KCNH8: variants seen among roughly 807,000 people sequenced by gnomAD.
KCNH8 encodes the protein potassium voltage-gated channel subfamily H member 8.
A neutral mutation model predicts 103.6 loss-of-function variants in KCNH8; 70 were observed. The ratio of observed to expected loss-of-function variants is 0.68; its 90% CI spans 0.56 to 0.82. The LOEUF (loss-of-function observed/expected upper bound fraction) is 0.82, where lower values mean the gene tolerates loss of function less well. KCNH8 is among the 40% of genes least tolerant of loss of function. The probability of loss-of-function intolerance (pLI) is 0.00; values close to 1 mark genes in which losing one functional copy is unlikely to be tolerated. For synonymous variants in KCNH8, 498 were observed against 489.4 expected, an observed-to-expected ratio of 1.02 and a Z score of -0.23; for missense variants, 1,217 against 1,329.9, an observed-to-expected ratio of 0.92 and a Z score of 1.32.
At chr3:19,275,834 T>C (rs1344478774) in intron 2 of KCNH8, among the ~76,000 whole-genome samples, 2 of 152,116 alleles carry the variant, frequency 1.3e-5, no homozygotes, top group African/African-American at 4.8e-5. Context: ...GATTAGAGTC[T>C]GGAATGTTGT....
chr3:19,506,026 A>G (rs537131799), intron 11 of KCNH8, among the ~76,000 whole-genome samples: 1 of 152,264 alleles, frequency 6.6e-6, no homozygotes, highest in African/African-American at 2.4e-5. Context: ...TCTGTTTTAT[A>G]ATGGCTATTT....
intron 5 of KCNH8, among the ~76,000 whole-genome samples, chr3:19,359,907 A>G (rs540846581): frequency 6.6e-6 from 1 of 152,198 alleles, no homozygotes; most frequent in Admixed American, 6.6e-5. Context: ...CAAGGTACTG[A>G]GCACAGAAAA....
intron 9 of KCNH8, 23 bp downstream of exon 9, chr3:19,450,328 T>G: frequency 6.3e-7 from 1 of 1,579,960 alleles, no homozygotes; most frequent in Non-Finnish European, 8.7e-7. Context: ...TCTCATGTTG[T>G]TTTCAGGCAG....
At chr3:19,292,373 G>A (rs1039263706) in intron 3 of KCNH8, among the ~76,000 whole-genome samples, 2 of 152,132 alleles carry the variant, frequency 1.3e-5, no homozygotes, top group Admixed American at 1.3e-4. Flanking sequence ...CCAACGCAGT[G>A]GCATTTCTTG....
At position 19,291,368 on chromosome 3, in the gene KCNH8, C is replaced by G. The variant is rs575384257; in HGVS notation, c.442+10039C>G. On this transcript the variant is annotated intron_variant, in intron 3 of 15. Transcript: ENST00000328405. ...CAATTTTAGATCTTTCCTGCTTTCT[C>G]TTGTGGGCATTTAGTGCTATAAATT... Among the ~76,000 whole-genome samples the G allele has an allele frequency of 4.6e-5, 7 of 152,260 alleles. No individual in the cohort carries two copies. The East Asian group carries it at 1.3e-3, about 29-fold the overall frequency.
chr3:19,521,473 G>A (rs1195454683), intron 15 of KCNH8, among the ~76,000 whole-genome samples: 1 of 151,914 alleles, frequency 6.6e-6, no homozygotes, highest in Non-Finnish European at 1.5e-5. Flanking sequence ...GTCAATAAAT[G>A]TTGATTCCAT....
intron 10 of KCNH8, among the ~76,000 whole-genome samples, chr3:19,452,318 G>A (rs1238135002): frequency 6.6e-6 from 1 of 152,156 alleles, no homozygotes; most frequent in African/African-American, 2.4e-5. Context: ...CCCAGAGGTG[G>A]AGGGTGCAGT....
chr3:19,305,301 G>A (rs1211054089), intron 3 of KCNH8, among the ~76,000 whole-genome samples: 2 of 152,090 alleles, frequency 1.3e-5, no homozygotes, highest in Admixed American at 6.6e-5. Context: ...GACATGAAAC[G>A]TCTCTAAAAT....
intron 1 of KCNH8, among the ~76,000 whole-genome samples, chr3:19,215,808 CAGAA>C (rs2063812764): frequency 6.6e-6 from 1 of 152,190 alleles, no homozygotes; most frequent in Non-Finnish European, 1.5e-5. Flanking sequence ...TTACCCACGT[CAGAA>C]AGGTGATTAC....
At position 19,347,907 on chromosome 3, in the gene KCNH8, G is replaced by A. The variant is rs769611454; in HGVS notation, c.753G>A (p.Leu251=). ...YNVCFIGNDD[L]STTRSTTVSD... ...TTTGCTTTATTGGCAATGACGACCT[G>A]TCCACAACTCGGAGCACAACCGTCA... Residue 251 remains leucine, a synonymous_variant, in exon 5 of 16, where the codon CTG becomes CTA. Transcript: ENST00000328405. 6.2e-7 allele frequency: 1 copy of A among 1,613,296 alleles called. No individual in the cohort carries two copies. Among genetic ancestry groups the A allele is most frequent in the Non-Finnish European group, 8.5e-7 (1 of 1,179,450 alleles).
chr3:19,530,511 A>G (rs1454689975), intron 15 of KCNH8, among the ~76,000 whole-genome samples: 1 of 152,194 alleles, frequency 6.6e-6, no homozygotes, highest in Non-Finnish European at 1.5e-5. Flanking sequence ...AAAACTAGAA[A>G]AATAGTTCAT....
At chr3:19,275,869 G>C (rs1406953950) in intron 2 of KCNH8, among the ~76,000 whole-genome samples, 2 of 152,086 alleles carry the variant, frequency 1.3e-5, no homozygotes, top group African/African-American at 4.8e-5. Flanking sequence ...ACAGTGAAAA[G>C]CCGTCAGGTG....
At chr3:19,359,976 A>G (rs1238899308) in intron 5 of KCNH8, among the ~76,000 whole-genome samples, 1 of 152,072 alleles carries the variant, frequency 6.6e-6, no homozygotes, top group Non-Finnish European at 1.5e-5. Flanking sequence ...TATAACTGTA[A>G]TGCCAAATAG....
intron 7 of KCNH8, among the ~76,000 whole-genome samples, chr3:19,407,818 C>G (rs1222169877): frequency 6.6e-6 from 1 of 152,122 alleles, no homozygotes; most frequent in African/African-American, 2.4e-5. Flanking sequence ...CACCCACTCT[C>G]CTAGATTGAG....
chr3:19,429,905 T>A (rs920079184), intron 7 of KCNH8, among the ~76,000 whole-genome samples: 1 of 152,226 alleles, frequency 6.6e-6, no homozygotes, highest in Non-Finnish European at 1.5e-5. Flanking sequence ...TCTTGTTTTT[T>A]TATGGCTGCA....
chr3:19,183,926 G>A (rs1464358331), intron 1 of KCNH8, among the ~76,000 whole-genome samples: 1 of 152,226 alleles, frequency 6.6e-6, no homozygotes, highest in East Asian at 1.9e-4. Flanking sequence ...AAGTTTGAAT[G>A]TAACATTTAC....
At chr3:19,500,483 AT>A (rs199988572) in intron 11 of KCNH8, among the ~76,000 whole-genome samples, 36,959 of 151,912 alleles carry the variant, frequency 0.24, 4,750 homozygotes, top group Non-Finnish European at 0.28. Context: ...CAGAATATAC[AT>A]TTTTTTCAGC....
chr3:19,169,002 T>G (rs1407417473), intron 1 of KCNH8, among the ~76,000 whole-genome samples: 1 of 152,200 alleles, frequency 6.6e-6, no homozygotes, highest in African/African-American at 2.4e-5. Context: ...TCATTAGTTT[T>G]CCTTTGAGGA....
intron 1 of KCNH8, among the ~76,000 whole-genome samples, chr3:19,218,752 G>C (rs910335588): frequency 6.6e-6 from 1 of 152,186 alleles, no homozygotes; most frequent in Non-Finnish European, 1.5e-5. Context: ...CTCTGTTGGT[G>C]CTAGGGAAGG....
Sources: gnomAD v4.1 joint callset for allele counts (sites outside exome capture counted in the v4.1 genomes callset) on GRCh38, gnomAD v4.1.1 for gene constraint, MANE v1.5 for transcripts, NCBI Gene and HGNC (gene_info 2026-07-23, HGNC 2026-07-21) for gene names.